The following ATP8A2 variants were observed in gnomAD, a reference collection of about 807,000 sequenced individuals.
ATP8A2 encodes the protein ATPase phospholipid transporting 8A2.
ATP8A2 carries 100 observed loss-of-function variants against 165.6 expected under a neutral mutation model. The ratio of observed to expected loss-of-function variants is 0.60; its 90% CI spans 0.51 to 0.71. The LOEUF is 0.71. Among genes scored for constraint, ATP8A2 ranks in the 30% least tolerant of loss-of-function variants. The pLI is 0.00. For synonymous variants in ATP8A2, 543 were observed against 548.8 expected (o/e 0.99, Z 0.15); for missense variants, 1,227 against 1,479.5 (o/e 0.83, Z 2.80).
intron 24 of ATP8A2, among the ~76,000 whole-genome samples, chr13:25,694,408 T>C (rs2042792326): frequency 6.6e-6 from 1 of 152,202 alleles, no homozygotes; most frequent in African/African-American, 2.4e-5. Context: ...CTGTGTACCT[T>C]GTCTCATCTC....
intron 25 of ATP8A2, among the ~76,000 whole-genome samples, chr13:25,767,650 G>A (rs2044518626): frequency 6.6e-6 from 1 of 152,178 alleles, no homozygotes; most frequent in African/African-American, 2.4e-5. Flanking sequence ...TGCAGTGGTC[G>A]CACCTACTGC....
intron 24 of ATP8A2, among the ~76,000 whole-genome samples, chr13:25,609,257 G>A: frequency 6.6e-6 from 1 of 151,864 alleles, no homozygotes; most frequent in Non-Finnish European, 1.5e-5. Context: ...TGAGAAAAGA[G>A]AAGTCACAGG....
chr13:25,651,085 A>G (rs2041800429), intron 24 of ATP8A2, among the ~76,000 whole-genome samples: 1 of 152,148 alleles, frequency 6.6e-6, no homozygotes, highest in Non-Finnish European at 1.5e-5. Context: ...TGAATGCTTG[A>G]TAGAACTCAC....
At chr13:25,795,926 A>T (rs748061728) in intron 27 of ATP8A2, among the ~76,000 whole-genome samples, 23 of 151,442 alleles carry the variant, frequency 1.5e-4, no homozygotes, top group Non-Finnish European at 3.4e-4. Context: ...TATGGAGTTC[A>T]CAGGACAGCA....
At chr13:25,764,279 G>T (rs1385298678) in intron 25 of ATP8A2, among the ~76,000 whole-genome samples, 1 of 152,122 alleles carries the variant, frequency 6.6e-6, no homozygotes, top group Non-Finnish European at 1.5e-5. Context: ...CAGATTAAAA[G>T]AATATTTTTA....
At chr13:25,779,436 T>C (rs1173120716) in intron 27 of ATP8A2, among the ~76,000 whole-genome samples, 5 of 151,818 alleles carry the variant, frequency 3.3e-5, no homozygotes, top group Non-Finnish European at 1.5e-5. Context: ...ATTCCCTGTG[T>C]GTCTGCACTG....
intron 1 of ATP8A2, among the ~76,000 whole-genome samples, chr13:25,453,687 C>T (rs2035288331): frequency 2.0e-5 from 3 of 152,144 alleles, no homozygotes; most frequent in Admixed American, 1.3e-4. Flanking sequence ...TGCTTTGCTT[C>T]TAAAGAAAGA....
intron 25 of ATP8A2, among the ~76,000 whole-genome samples, chr13:25,756,327 C>CTTTTT (rs11379467): frequency 6.6e-5 from 9 of 137,180 alleles, no homozygotes; most frequent in Admixed American, 2.2e-4. Flanking sequence ...CTGTTGGATT[C>CTTTTT]TTTTTTTTTT....
Position 25,372,857 on chromosome 13 carries a change from G to T in ATP8A2, c.76+569G>T, listed in dbSNP as rs2032472626. On this transcript the variant is annotated intron_variant, in intron 1 of 36. Coordinates refer to ENST00000381655, the MANE Select transcript of ATP8A2 (RefSeq NM_016529.6). This position sits in a 1 kb window ranked among gnomAD's most constrained non-coding sequence, Gnocchi z 4.8. ...TCCGTGCATACAACCATCTGGAGACGAACACACACACGCACACGCGCGCGC... is the reference window on the plus strand; with the variant it reads ...TCCGTGCATACAACCATCTGGAGACTAACACACACACGCACACGCGCGCGC... 6.6e-6 allele frequency among the ~76,000 whole-genome samples: 1 copy of T among 152,076 alleles called. No individual in the cohort carries two copies. Among genetic ancestry groups the T allele is most frequent in the Non-Finnish European group, 1.5e-5 (1 of 68,018 alleles).
intron 33 of ATP8A2, among the ~76,000 whole-genome samples, chr13:25,880,726 A>G (rs1172844338): frequency 6.6e-6 from 1 of 152,178 alleles, no homozygotes; most frequent in Non-Finnish European, 1.5e-5. Context: ...TAAATGAAAA[A>G]GGCAACCTCA....
chr13:25,973,609 T>A (rs1187203254), intron 35 of ATP8A2, among the ~76,000 whole-genome samples: 7 of 152,192 alleles, frequency 4.6e-5, no homozygotes, highest in African/African-American at 1.7e-4. Flanking sequence ...CCGAATGCAT[T>A]CTGAGTGAGT....
At chr13:25,665,461 A>C (rs2042133104) in intron 24 of ATP8A2, among the ~76,000 whole-genome samples, 1 of 151,976 alleles carries the variant, frequency 6.6e-6, no homozygotes, top group African/African-American at 2.4e-5. Context: ...TGTAGATCAG[A>C]ATTTGGATGA....
At chr13:25,763,918 G>T (rs2044437078) in intron 25 of ATP8A2, among the ~76,000 whole-genome samples, 1 of 152,152 alleles carries the variant, frequency 6.6e-6, no homozygotes, top group African/African-American at 2.4e-5. Context: ...TTAGGTTTTA[G>T]ACTCAAATAT....
At chr13:25,489,498 A>C (rs1303836446) in intron 2 of ATP8A2, among the ~76,000 whole-genome samples, 1 of 152,060 alleles carries the variant, frequency 6.6e-6, no homozygotes, top group East Asian at 1.9e-4. Flanking sequence ...AGCATGCTGC[A>C]CCACATCTAT....
intron 2 of ATP8A2, among the ~76,000 whole-genome samples, chr13:25,482,580 GGAA>G (rs916849335): frequency 2.0e-5 from 3 of 152,120 alleles, no homozygotes; most frequent in Non-Finnish European, 2.9e-5. Context: ...GAAAAGATGT[GGAA>G]GAAGAAGGTG....
At chr13:25,500,843 C>A (rs1269569051) in intron 2 of ATP8A2, among the ~76,000 whole-genome samples, 1 of 152,174 alleles carries the variant, frequency 6.6e-6, no homozygotes, top group African/African-American at 2.4e-5. Flanking sequence ...TCTCAAAGTG[C>A]TGGGATTACA....
intron 24 of ATP8A2, among the ~76,000 whole-genome samples, 157 bp from the exon 25 acceptor site, chr13:25,699,016 T>A (rs1290517454): frequency 6.6e-6 from 1 of 152,234 alleles, no homozygotes; most frequent in East Asian, 1.9e-4. Flanking sequence ...GGGCATTGCA[T>A]TGAAATTTTA....
At chr13:25,792,866 G>C (rs376237242) in intron 27 of ATP8A2, among the ~76,000 whole-genome samples, 1 of 151,754 alleles carries the variant, frequency 6.6e-6, no homozygotes, top group African/African-American at 2.4e-5. Flanking sequence ...CGAGGCTGCA[G>C]TGAGCTATGA....
intron 2 of ATP8A2, among the ~76,000 whole-genome samples, chr13:25,505,338 T>C (rs1446054545): frequency 2.6e-5 from 4 of 152,202 alleles, no homozygotes; most frequent in African/African-American, 9.7e-5. Flanking sequence ...CCTTGATTTA[T>C]TTTTCCTTTT....
Sources: gnomAD v4.1 joint callset for allele counts (sites outside exome capture counted in the v4.1 genomes callset) on GRCh38, gnomAD v4.1.1 for gene constraint, Gnocchi (gnomAD v3.1) non-coding constraint, MANE v1.5 for transcripts, NCBI Gene and HGNC (gene_info 2026-07-23, HGNC 2026-07-21) for gene names.